Variants in NCF4 observed in about 807,000 individuals in gnomAD.
The protein encoded by NCF4 is neutrophil cytosolic factor 4.
Under a neutral mutation model 41.7 loss-of-function variants are expected in NCF4, and 30 were observed. That is an observed-to-expected ratio of 0.72 (90% CI 0.54 to 0.97). NCF4 has a LOEUF of 0.97. Ranked by LOEUF, NCF4 falls within the 50% of genes least tolerant of loss-of-function variation. The pLI, the probability that NCF4 is intolerant of heterozygous loss-of-function variation, is 0.00. For synonymous variants in NCF4, 195 were observed against 175.8 expected (o/e 1.11, Z -0.87); for missense variants, 432 against 460.9 (o/e 0.94, Z 0.57).
chr22:36,871,704 G>A lies in NCF4; in HGVS notation c.523G>A (p.Ala175Thr). 1 of 1,564,918 alleles carries A rather than the reference G, an allele frequency of 6.4e-7. No individual in the cohort carries two copies. The highest frequency in any genetic ancestry group is 1.4e-5 in the African/African-American group (1 of 73,974). Reference sequence around the variant, plus strand: ...CGTTGACCGCATGGCAGCTCCGAGAGCAGAGGTAACCCCCGCCCCCACGCT... The same window carrying A: ...CGTTGACCGCATGGCAGCTCCGAGAACAGAGGTAACCCCCGCCCCCACGCT... ...NSVDRMAAPR[A>T]EALFDFTGNS... The change falls in exon 6 of 10, where the codon GCA becomes ACA. Residue 175 changes from alanine (A) to threonine (T), a missense_variant. Ala to Thr is a moderately conservative substitution (Grantham distance 58). Transcript: ENST00000248899.
Position 36,875,833 on chromosome 22 carries a change from C to T in NCF4, c.758+50C>T, listed in dbSNP as rs201021542. Reference sequence around the variant, plus strand: ...CTGTCCAGCCTTCCTGCCATCCCTACGACCACTGCCCCTCACATCACCTTC... The same window carrying T: ...CTGTCCAGCCTTCCTGCCATCCCTATGACCACTGCCCCTCACATCACCTTC... On this transcript the variant is annotated intron_variant, in intron 8 of 9. Coordinates refer to ENST00000248899, the MANE Select transcript of NCF4 (RefSeq NM_000631.5). 159 of 1,613,986 alleles carry T rather than the reference C, an allele frequency of 9.9e-5. No homozygotes were observed. The highest frequency in any genetic ancestry group is 1.1e-4 in the Non-Finnish European group (128 of 1,180,010).
In NCF4 at chr22:36,865,115, C is replaced by A; in HGVS notation, c.271+43C>A. ...TCCTGCTGCTGCAGAGCTGCTGACT[C>A]TCCTTCCTTCCAGGGCCCCTGACAC... On this transcript the variant is annotated intron_variant, in intron 3 of 9. Transcript: ENST00000248899. The surrounding 1 kb of genome is among the most constrained non-coding windows in gnomAD (Gnocchi z 4.3). 1 of 1,600,874 alleles carries A rather than the reference C, an allele frequency of 6.2e-7. No individual in the cohort carries two copies. The highest frequency in any genetic ancestry group is 8.5e-7 in the Non-Finnish European group (1 of 1,178,954).
chr22:36,876,211 T>G, intron 9 of NCF4, 117 bp downstream of exon 9: 6 of 1,070,048 alleles, frequency 5.6e-6, no homozygotes, highest in Non-Finnish European at 7.9e-6. Context: ...GTCTTCTCTT[T>G]TTATCCGCAG....
At chr22:36,872,950 GGAGGTGAGAT>G (rs1940108435) in intron 7 of NCF4, among the ~76,000 whole-genome samples, 4 of 147,800 alleles carry the variant, frequency 2.7e-5, no homozygotes, top group African/African-American at 1.0e-4. Context: ...AGGTGAGATT[GGAGGTGAGAT>G]TGGAGGTGAG....
At position 36,872,330 on chromosome 22, in the gene NCF4, C is replaced by T. The variant is rs767768687; in HGVS notation, c.532C>T (p.Leu178=). The T allele has an allele frequency of 8.1e-6, 13 of 1,602,888 alleles. No individual in the cohort carries two copies. The highest frequency in any genetic ancestry group is 8.5e-6 in the Non-Finnish European group (10 of 1,169,818). Residue 178 remains leucine (L), a synonymous_variant, in exon 7 of 10, where the codon CTA becomes TTA. Coordinates refer to ENST00000248899, the MANE Select transcript of NCF4 (RefSeq NM_000631.5). ...DRMAAPRAEA[L]FDFTGNSKLE... ...CTTACTGCACGCTTCTCCTCAGGCTCTATTTGACTTCACTGGAAACAGCAA... is the reference window on the plus strand; with the variant it reads ...CTTACTGCACGCTTCTCCTCAGGCTTTATTTGACTTCACTGGAAACAGCAA...
intron 5 of NCF4, among the ~76,000 whole-genome samples, chr22:36,871,284 C>T (rs188735470): frequency 6.6e-6 from 1 of 152,352 alleles, no homozygotes; most frequent in African/African-American, 2.4e-5. Flanking sequence ...CCTTCAGTTT[C>T]CCTCAGCTGA....
rs180941131 is a variant in NCF4, at chr22:36,875,176, C to T, written c.628-477C>T. Among the ~76,000 whole-genome samples, 507 of 152,116 alleles carry T rather than the reference C, an allele frequency of 3.3e-3. 2 individuals carry two copies. Among genetic ancestry groups the T allele is most frequent in the Admixed American group, 9.4e-3 (143 of 15,282 alleles). ...TCCCGAGTAGCTGGGATTACAGGCC[C>T]GCACCAACACGCTTGGCTAATTTGT... On this transcript the variant is annotated intron_variant, in intron 7 of 9. Transcript: ENST00000248899.
At chr22:36,864,824 TC>T in intron 2 of NCF4, 94 bp from the exon 3 acceptor site, 1 of 1,491,582 alleles carries the variant, frequency 6.7e-7, no homozygotes. Context: ...ATCCTCATCA[TC>T]TTCCTCCTCC....
At chr22:36,873,844 C>T (rs569598346) in intron 7 of NCF4, among the ~76,000 whole-genome samples, 46 of 113,918 alleles carry the variant, frequency 4.0e-4, no homozygotes, top group Middle Eastern at 4.1e-3. Context: ...GATATTTGCT[C>T]CTGAGGGGTG....
intron 4 of NCF4, among the ~76,000 whole-genome samples, chr22:36,869,564 C>T (rs571388612): frequency 1.3e-5 from 2 of 152,208 alleles, no homozygotes; most frequent in Non-Finnish European, 2.9e-5. Context: ...CCATGGGATC[C>T]TCTGCAGGGC....
At chr22:36,872,111 C>G (rs1181116577) in intron 6 of NCF4, 1 of 710,644 alleles carries the variant, frequency 1.4e-6, no homozygotes, top group East Asian at 2.7e-5. Flanking sequence ...TCACCCCCAC[C>G]AGGTTTGGAA....
At chr22:36,867,770 C>T (rs984421924) in intron 4 of NCF4, among the ~76,000 whole-genome samples, 10 of 152,332 alleles carry the variant, frequency 6.6e-5, no homozygotes, top group African/African-American at 2.4e-4. Flanking sequence ...AGGTGAATTC[C>T]ATCCAGTGTC....
Position 36,875,654 on chromosome 22 carries a change from G to C in NCF4, c.629G>C (p.Gly210Ala). 6.2e-7 allele frequency: 1 copy of C among 1,611,168 alleles called. No individual in the cohort carries two copies. The highest frequency in any genetic ancestry group is 2.2e-5 in the East Asian group (1 of 44,878). Residue 210 changes from glycine (G) to alanine (A), a missense_variant and splice_region_variant, in exon 8 of 10, where the codon GGC (glycine) becomes GCC (alanine). By Grantham distance (60) the Gly-to-Ala change is moderately conservative. Transcript: ENST00000248899. ...LSRINKDWLEGTVRGATGIFP... is the reference protein window; with the variant it reads ...LSRINKDWLEATVRGATGIFP... ...GGCATCCCTTCTCTTCCTCTGCAGG[G>C]CACTGTCCGGGGAGCCACGGGCATC...
At chr22:36,872,230 T>C (rs1209164214) in intron 6 of NCF4, 97 bp from the exon 7 acceptor site, 1 of 1,001,946 alleles carries the variant, frequency 1.0e-6, no homozygotes, top group Non-Finnish European at 1.6e-6. Context: ...CCTCAGTTTC[T>C]ACATCTGTAA....
chr22:36,862,459 A>C (rs1939797297), intron 1 of NCF4, among the ~76,000 whole-genome samples: 1 of 152,250 alleles, frequency 6.6e-6, no homozygotes, highest in East Asian at 1.9e-4. Flanking sequence ...CGCAAACTCG[A>C]ATCTTCCGGA....
In NCF4 at chr22:36,870,510, A is replaced by C. The variant is rs1601551885; in HGVS notation, c.438A>C (p.Ala146=). The part of the protein sequence containing the change: ...SPYDSEQVPQ[A]LRRLRPRTRK... Reference sequence around the variant, plus strand: ...ATGACTCAGAGCAGGTGCCCCAGGCACTCCGCCGGCTCCGCCCGCGCACCC... The same window carrying C: ...ATGACTCAGAGCAGGTGCCCCAGGCCCTCCGCCGGCTCCGCCCGCGCACCC... Residue 146 remains alanine (A), a synonymous_variant, in exon 5 of 10, where the codon GCA becomes GCC. Transcript: ENST00000248899. 1 of 1,613,278 alleles carries C rather than the reference A, an allele frequency of 6.2e-7. No homozygotes were observed. Among genetic ancestry groups the C allele is most frequent in the Non-Finnish European group, 8.5e-7 (1 of 1,179,984 alleles).
Position 36,867,432 on chromosome 22 carries a change from GCGGAT to G in NCF4, c.313_317del (p.Arg105ThrfsTer21). The G allele has an allele frequency of 6.2e-7, 1 of 1,614,218 alleles. No homozygotes were observed. On this transcript the variant is annotated frameshift_variant, in exon 4 of 10. Coordinates refer to ENST00000248899, the MANE Select transcript of NCF4 (RefSeq NM_000631.5). LOFTEE classifies it high-confidence loss of function. ...GTGTGAAACAGGAGATCGCCGAGATGCGGATACCTGCCCTCAACGCCTACATGAAG... is the reference window on the plus strand; with the variant it reads ...GTGTGAAACAGGAGATCGCCGAGATGACCTGCCCTCAACGCCTACATGAAG...
chr22:36,869,256 T>C (rs1211699707), intron 4 of NCF4, among the ~76,000 whole-genome samples: 1 of 152,230 alleles, frequency 6.6e-6, no homozygotes, highest in African/African-American at 2.4e-5. Context: ...CTAACTTTGA[T>C]GGGCACCTGG....
rs962495538 is a variant in NCF4, at chr22:36,872,734, G to A, written c.627+309G>A. Among the ~76,000 whole-genome samples the A allele has an allele frequency of 2.7e-5, 4 of 150,910 alleles. No homozygotes were observed. In the East Asian group the frequency reaches 7.8e-4, roughly 30 times the overall value. On this transcript the variant is annotated intron_variant, in intron 7 of 9. Coordinates refer to ENST00000248899, the MANE Select transcript of NCF4 (RefSeq NM_000631.5). ...GGAGGTGAGGTTGGAGGTGAGATTG[G>A]AGATGAGATTGGAGGTGAGGATGGA... is the stretch of plus-strand genomic sequence containing the variant.
Sources: gnomAD v4.1 joint callset for allele counts (sites outside exome capture counted in the v4.1 genomes callset) on GRCh38, gnomAD v4.1.1 for gene constraint, Gnocchi (gnomAD v3.1) non-coding constraint, MANE v1.5 for transcripts, NCBI Gene and HGNC (gene_info 2026-07-23, HGNC 2026-07-21) for gene names.